Variants in EFR3B observed in about 807,000 individuals in gnomAD.
The protein encoded by EFR3B is EFR3 homolog B.
EFR3B carries 64 observed loss-of-function variants against 104.7 expected under a neutral mutation model. The observed-to-expected ratio is 0.61, with a 90% CI of 0.50 to 0.75. The LOEUF (loss-of-function observed/expected upper bound fraction) is 0.75. Ranked by LOEUF, EFR3B falls within the 30% of genes least tolerant of loss-of-function variation. The pLI, the probability that EFR3B is intolerant of heterozygous loss-of-function variation, is 0.00. For synonymous variants in EFR3B, 385 were observed against 417.9 expected, an observed-to-expected ratio of 0.92 and a Z score of 0.96; for missense variants, 750 against 1,078.5, an observed-to-expected ratio of 0.70 and a Z score of 4.27.
intron 6 of EFR3B, among the ~76,000 whole-genome samples, chr2:25,128,832 G>A (rs919332049): frequency 2.0e-5 from 3 of 151,304 alleles, no homozygotes; most frequent in Non-Finnish European, 2.9e-5. Flanking sequence ...GCGTGGTGGC[G>A]GGCGCCTGTA....
intron 3 of EFR3B, among the ~76,000 whole-genome samples, chr2:25,095,477 C>G (rs1284911497): frequency 1.3e-5 from 2 of 152,092 alleles, no homozygotes; most frequent in African/African-American, 4.8e-5. Flanking sequence ...GGGTGGATCA[C>G]TTGAGGTCAG....
rs1671079872 is a variant in EFR3B at position 25,153,746 on chromosome 2, T to C, written c.2333T>C (p.Phe778Ser). ...CTCCAGAGCAAACTCAATCAGATCT[T>C]TGAAATCACCATCCGGTAAGTGACA... ...SLLQSKLNQI[F>S]EITIRPPPSP... is the part of the protein sequence containing the mutation. The change falls in exon 22 of 23, where the codon TTT becomes TCT. Residue 778 changes from phenylalanine (F) to serine (S), a missense_variant. Physicochemically the swap from Phe to Ser is radical, Grantham distance 155 (BLOSUM62 -2). Coordinates refer to ENST00000403714, the MANE Select transcript of EFR3B (RefSeq NM_014971.2). 1.3e-5 allele frequency: 20 copies of C among 1,551,680 alleles called. No individual in the cohort carries two copies. Among genetic ancestry groups the C allele is most frequent in the Admixed American group, 2.0e-5 (1 of 51,002 alleles).
chr2:25,067,173 A>G (rs1351488009), intron 1 of EFR3B, among the ~76,000 whole-genome samples: 1 of 152,162 alleles, frequency 6.6e-6, no homozygotes, highest in Non-Finnish European at 1.5e-5. Flanking sequence ...AGTAGCCACA[A>G]GTGACTAGTG....
intron 4 of EFR3B, among the ~76,000 whole-genome samples, chr2:25,118,408 C>A (rs1307476601): frequency 2.6e-5 from 4 of 152,142 alleles, no homozygotes; most frequent in African/African-American, 9.7e-5. Flanking sequence ...TCAGGATTCC[C>A]TTCTTCTTTA....
At chr2:25,089,815 G>A (rs942296069) in intron 1 of EFR3B, among the ~76,000 whole-genome samples, 2 of 152,152 alleles carry the variant, frequency 1.3e-5, no homozygotes, top group Non-Finnish European at 2.9e-5. Flanking sequence ...TGGTCTGCCT[G>A]GTCCCTTCTG....
chr2:25,151,794 C>A, intron 20 of EFR3B, 120 bp from the exon 21 acceptor site: 1 of 1,144,632 alleles, frequency 8.7e-7, no homozygotes, highest in Non-Finnish European at 1.2e-6. Context: ...CGCCACTGTC[C>A]CCTACTCTTC....
chr2:25,133,162 T>C (rs1670420415), intron 11 of EFR3B, 148 bp downstream of exon 11: 4 of 894,844 alleles, frequency 4.5e-6, no homozygotes, highest in Non-Finnish European at 3.5e-6. Flanking sequence ...ATGGGGCTCT[T>C]GGATCCCACA....
chr2:25,065,373 T>C (rs892022545), intron 1 of EFR3B, among the ~76,000 whole-genome samples: 5 of 144,446 alleles, frequency 3.5e-5, no homozygotes, highest in Non-Finnish European at 7.6e-5. Flanking sequence ...TTTTTTTTGG[T>C]TCAGATGAGT....
chr2:25,092,150 CCT>C, intron 2 of EFR3B, among the ~76,000 whole-genome samples: 1 of 151,740 alleles, frequency 6.6e-6, no homozygotes, highest in Non-Finnish European at 1.5e-5. Context: ...CTCACTGCAA[CCT>C]CTGACTCCCT....
Position 25,114,035 on chromosome 2 carries a change from G to C in EFR3B, c.364-7638G>C, listed in dbSNP as rs1351496615. Reference sequence around the variant, plus strand: ...AGCACTACACTGCCTCTTTAAGAGGGAAAAGGGCTTACTCGCTCTAAAACC... The same window carrying C: ...AGCACTACACTGCCTCTTTAAGAGGCAAAAGGGCTTACTCGCTCTAAAACC... On this transcript the variant is annotated intron_variant, in intron 4 of 22. Coordinates refer to ENST00000403714, the MANE Select transcript of EFR3B (RefSeq NM_014971.2). The surrounding 1 kb of genome is among the most constrained non-coding windows in gnomAD (Gnocchi z 4.0). Among the ~76,000 whole-genome samples, 1 of 152,142 alleles carries C rather than the reference G, an allele frequency of 6.6e-6. No homozygotes were observed. The highest frequency in any genetic ancestry group is 1.9e-4 in the East Asian group (1 of 5,202).
In EFR3B at chr2:25,137,458, G is replaced by T; in HGVS notation, c.1678G>T (p.Glu560Ter). 1 of 1,551,716 alleles carries T rather than the reference G, an allele frequency of 6.4e-7. No individual in the cohort carries two copies. The highest frequency in any genetic ancestry group is 8.7e-7 in the Non-Finnish European group (1 of 1,146,986). The change falls in exon 15 of 23, where the codon GAG becomes TAG. Residue 560 changes from glutamate (E) to a stop codon, truncating the protein, a stop_gained. Transcript: ENST00000403714. LOFTEE classifies it high-confidence loss of function. This position sits in a 1 kb window ranked among gnomAD's most constrained non-coding sequence, Gnocchi z 4.7. Reference protein sequence around the residue: ...LALISIELANEEVVVDLIRLV... With the variant: ...LALISIELAN ...CCTCATCAGCATCGAGCTGGCTAAC[G>T]AGGAGGTGGTGGTGGACCTCATCCG...
At chr2:25,051,225 C>T (rs1667859013) in intron 1 of EFR3B, among the ~76,000 whole-genome samples, 1 of 152,148 alleles carries the variant, frequency 6.6e-6, no homozygotes, top group Non-Finnish European at 1.5e-5. Context: ...GATTCTCATG[C>T]CTCAGCCTCC....
chr2:25,152,816 G>A (rs1040310207), intron 21 of EFR3B, among the ~76,000 whole-genome samples: 3 of 46,130 alleles, frequency 6.5e-5, no homozygotes, highest in African/African-American at 4.6e-4. Context: ...ATATAGAAGT[G>A]TGTGTGTGTG....
At chr2:25,139,019 T>C (rs1670591259) in intron 15 of EFR3B, 40 bp from the exon 16 acceptor site, 2 of 1,550,974 alleles carry the variant, frequency 1.3e-6, no homozygotes, top group African/African-American at 1.4e-5. Context: ...GTGTAGTCTG[T>C]CAGTGAAAAA....
intron 1 of EFR3B, among the ~76,000 whole-genome samples, chr2:25,058,642 C>G (rs1312864109): frequency 2.0e-5 from 3 of 151,980 alleles, no homozygotes; most frequent in African/African-American, 7.3e-5. Flanking sequence ...GCCTGTAGTT[C>G]CAGCTACTCA....
Position 25,042,386 on chromosome 2 carries a change from C to A in EFR3B, c.7+67C>A. 1 of 1,233,708 alleles carries A rather than the reference C, an allele frequency of 8.1e-7. No individual in the cohort carries two copies. Among genetic ancestry groups the A allele is most frequent in the Non-Finnish European group, 1.0e-6 (1 of 987,336 alleles). 76.4% of individuals were successfully genotyped at this position (1,233,708 alleles called of 1,614,324 possible). On this transcript the variant is annotated intron_variant, in intron 1 of 22. Coordinates refer to ENST00000403714, the MANE Select transcript of EFR3B (RefSeq NM_014971.2). The surrounding 1 kb of genome is among the most constrained non-coding windows in gnomAD (Gnocchi z 5.4). ...ACTCCGCAAACTTCCCCGGCGCGGA[C>A]CATTGTCCCCCTGCACGGCCCTGGC...
chr2:25,139,061 C>G lies in EFR3B; in HGVS notation c.1725C>G (p.Asp575Glu). 1 of 1,551,674 alleles carries G rather than the reference C, an allele frequency of 6.4e-7. No individual in the cohort carries two copies. The highest frequency in any genetic ancestry group is 8.7e-7 in the Non-Finnish European group (1 of 1,146,960). The change falls in exon 16 of 23, where the codon GAC becomes GAG. Residue 575 changes from aspartate (D) to glutamate (E), a missense_variant and splice_region_variant. Coordinates refer to ENST00000403714, the MANE Select transcript of EFR3B (RefSeq NM_014971.2). ...DLIRLVLAVQ[D>E]VAQVNEENLP... The stretch of plus-strand genomic sequence containing the variant: ...AGGCCTTGTCTATGTTGCCGCAGGA[C>G]GTGGCCCAAGTCAATGAGGAGAACT...
intron 1 of EFR3B, chr2:25,081,680 A>G (rs1234581195): frequency 7.2e-6 from 4 of 555,834 alleles, no homozygotes; most frequent in Non-Finnish European, 1.3e-5. Flanking sequence ...TAGAACATGG[A>G]GGCTGCCATT....
Position 25,130,631 on chromosome 2 carries a change from G to T in EFR3B, c.849+1G>T. On this transcript the variant is annotated splice_donor_variant, in intron 8 of 22. Coordinates refer to ENST00000403714, the MANE Select transcript of EFR3B (RefSeq NM_014971.2). LOFTEE classifies it high-confidence loss of function. The surrounding 1 kb of genome is among the most constrained non-coding windows in gnomAD (Gnocchi z 4.6). ...TAAAATCATCATGTACTCAATTCAG[G>T]TATGGTGGCTCCCCTGGGCCAGCCG... 1 of 1,551,478 alleles carries T rather than the reference G, an allele frequency of 6.4e-7. No individual in the cohort carries two copies. The highest frequency in any genetic ancestry group is 2.4e-5 in the East Asian group (1 of 40,914).
Sources: allele counts gnomAD v4.1 joint callset (sites outside exome capture counted in the v4.1 genomes callset), GRCh38; gene constraint gnomAD v4.1.1; non-coding constraint Gnocchi (gnomAD v3.1); transcripts MANE v1.5; gene names NCBI Gene and HGNC (gene_info 2026-07-23, HGNC 2026-07-21).